PHC2: variants seen among roughly 807,000 people sequenced by gnomAD.
The protein encoded by PHC2 is polyhomeotic-like protein 2.
In PHC2, 29 loss-of-function variants were observed where a neutral mutation model predicts 87.4. The ratio of observed to expected loss-of-function variants is 0.33; its 90% confidence interval spans 0.25 to 0.45. The LOEUF is 0.45. Among genes scored for constraint, PHC2 ranks in the 20% least tolerant of loss-of-function variants. The pLI, the probability that PHC2 is intolerant of heterozygous loss-of-function variation, is 1.00. For synonymous variants in PHC2, 438 were observed against 461.7 expected (o/e 0.95, Z 0.66); for missense variants, 857 against 1,136.7 (o/e 0.75, Z 3.54).
chr1:33,370,979 G>A, intron 4 of PHC2, 38 bp downstream of exon 4: 1 of 1,562,948 alleles, frequency 6.4e-7, no homozygotes, highest in Non-Finnish European at 8.8e-7. Context: ...TTGGTCCTGG[G>A]GCTGTGGACT....
Position 33,349,100 on chromosome 1 carries a change from GA to G in PHC2, c.1558+5300del. The G allele has an allele frequency of 7.1e-6, 7 of 985,402 alleles. No individual in the cohort carries two copies. Among genetic ancestry groups the G allele is most frequent in the Non-Finnish European group, 8.4e-6 (7 of 829,882 alleles). The allele number at this position is 985,402 out of a possible 1,614,324, so 61.0% of individuals were successfully genotyped here. A position where few individuals can be genotyped will look rare whatever the true frequency, so the allele number is the denominator to read the frequency against. ...AGAAAACGCTCTTCTAAAAATGGAA[GA>G]AAAGACACAGAACAGCTTGTCCCTT... On this transcript the variant is annotated intron_variant, in intron 9 of 14. Coordinates refer to ENST00000683057, the MANE Select transcript of PHC2 (RefSeq NM_001385109.1). The surrounding 1 kb of genome is among the most constrained non-coding windows in gnomAD (Gnocchi z 4.2).
intron 1 of PHC2, among the ~76,000 whole-genome samples, chr1:33,384,444 A>C (rs1304404983): frequency 1.3e-5 from 2 of 152,230 alleles, no homozygotes; most frequent in African/African-American, 4.8e-5. Flanking sequence ...AGAGTTACCA[A>C]ACATAGTTTC....
At chr1:33,325,795 C>G (rs1186738123) in intron 14 of PHC2, 3 of 433,902 alleles carry the variant, frequency 6.9e-6, no homozygotes, top group African/African-American at 6.1e-5. Flanking sequence ...ATTCTGGTAC[C>G]TGGAAAAGGA....
chr1:33,411,049 T>C (rs1649962828), intron 1 of PHC2, among the ~76,000 whole-genome samples: 1 of 152,174 alleles, frequency 6.6e-6, no homozygotes, highest in Admixed American at 6.5e-5. Context: ...AATTTCTAAA[T>C]ATGGAATGAA....
At chr1:33,416,626 A>G (rs1570514727) in intron 1 of PHC2, among the ~76,000 whole-genome samples, 1 of 151,274 alleles carries the variant, frequency 6.6e-6, no homozygotes, top group African/African-American at 2.4e-5. Context: ...ATTTCTTCTC[A>G]TAAACTATGC....
chr1:33,414,737 C>T (rs1366086760), intron 1 of PHC2, among the ~76,000 whole-genome samples: 1 of 152,162 alleles, frequency 6.6e-6, no homozygotes, highest in Admixed American at 6.5e-5. Context: ...TCTCCTAAAT[C>T]CTGTTTTTAA....
At position 33,331,643 on chromosome 1, in the gene PHC2, G is replaced by C; in HGVS notation, c.1892-181C>G. On this transcript the variant is annotated intron_variant, in intron 11 of 14. Coordinates refer to ENST00000683057, the MANE Select transcript of PHC2 (RefSeq NM_001385109.1). This position sits in a 1 kb window ranked among gnomAD's most constrained non-coding sequence, Gnocchi z 5.2. ...TTCTCACCCCTGGAATGCACTCAAG[G>C]GTGTCTGGGGATGCCCCTTGTAGAC... The C allele has an allele frequency of 1.9e-6, 1 of 513,968 alleles. No individual in the cohort carries two copies. Among genetic ancestry groups the C allele is most frequent in the Non-Finnish European group, 3.5e-6 (1 of 289,606 alleles). The allele number at this position is 513,968 out of a possible 1,614,324, so 31.8% of individuals were successfully genotyped here. A position where few individuals can be genotyped will look rare whatever the true frequency, so the allele number is the denominator to read the frequency against.
At chr1:33,337,504 C>T (rs923386727) in intron 9 of PHC2, among the ~76,000 whole-genome samples, 1 of 152,168 alleles carries the variant, frequency 6.6e-6, no homozygotes, top group Admixed American at 6.5e-5. Flanking sequence ...ATCATTGAGT[C>T]AACTGCGGGC....
intron 2 of PHC2, 63 bp downstream of exon 2, chr1:33,375,303 C>CT: frequency 2.2e-6 from 3 of 1,350,434 alleles, no homozygotes; most frequent in Non-Finnish European, 2.0e-6. Context: ...ATGCCAACAC[C>CT]TCCTCCTTGC....
chr1:33,388,463 A>G (rs1486090677), intron 1 of PHC2, among the ~76,000 whole-genome samples: 1 of 151,980 alleles, frequency 6.6e-6, no homozygotes, highest in African/African-American at 2.4e-5. Context: ...AGCTGGGATT[A>G]CAGGCATGCG....
At chr1:33,405,073 A>G (rs1332726405) in intron 1 of PHC2, among the ~76,000 whole-genome samples, 1 of 152,076 alleles carries the variant, frequency 6.6e-6, no homozygotes, top group African/African-American at 2.4e-5. Context: ...TTAAAAAAGT[A>G]TTCTTTATAA....
intron 1 of PHC2, among the ~76,000 whole-genome samples, chr1:33,410,550 C>T (rs12141786): frequency 0.21 from 31,931 of 152,106 alleles, 5,683 homozygotes; most frequent in African/African-American, 0.49. Flanking sequence ...AGAAGGGTAG[C>T]GATATTCCAG....
intron 1 of PHC2, among the ~76,000 whole-genome samples, chr1:33,388,564 A>G (rs1318662755): frequency 3.9e-5 from 6 of 151,968 alleles, no homozygotes; most frequent in African/African-American, 1.4e-4. Flanking sequence ...ACCTCAGGTG[A>G]TCTGCCCACC....
intron 1 of PHC2, among the ~76,000 whole-genome samples, chr1:33,419,193 T>C (rs1570515669): frequency 6.6e-6 from 1 of 152,374 alleles, no homozygotes; most frequent in East Asian, 1.9e-4. Flanking sequence ...ATTATTATTA[T>C]ACATGTTATA....
chr1:33,335,633 G>A (rs1450376601), intron 9 of PHC2, among the ~76,000 whole-genome samples: 1 of 152,188 alleles, frequency 6.6e-6, no homozygotes, highest in African/African-American at 2.4e-5. Flanking sequence ...CAGGCATGGC[G>A]GCTCACACCT....
intron 1 of PHC2, among the ~76,000 whole-genome samples, chr1:33,427,490 C>A (rs1367725660): frequency 1.3e-5 from 2 of 152,126 alleles, no homozygotes; most frequent in African/African-American, 4.8e-5. Context: ...GCCAAACATA[C>A]AAAAGGTGAT....
At chr1:33,406,028 TCTTA>T (rs145720062) in intron 1 of PHC2, among the ~76,000 whole-genome samples, 2,709 of 152,332 alleles carry the variant, frequency 0.018, 71 homozygotes, top group African/African-American at 0.061. Flanking sequence ...GTTATTCAAA[TCTTA>T]CATATTCTTA....
chr1:33,416,561 G>A (rs1410504952), intron 1 of PHC2, among the ~76,000 whole-genome samples: 1 of 129,922 alleles, frequency 7.7e-6, no homozygotes, highest in East Asian at 2.6e-4. Flanking sequence ...GGGCAACAGA[G>A]TGAGATTCTG....
intron 1 of PHC2, among the ~76,000 whole-genome samples, chr1:33,389,193 G>A (rs531860442): frequency 1.3e-5 from 2 of 152,192 alleles, no homozygotes; most frequent in South Asian, 4.2e-4. Context: ...TGGGGGGTGC[G>A]AAAGAGACGA....
Sources: gnomAD v4.1 joint callset for allele counts (sites outside exome capture counted in the v4.1 genomes callset) on GRCh38, gnomAD v4.1.1 for gene constraint, Gnocchi (gnomAD v3.1) non-coding constraint, MANE v1.5 for transcripts, NCBI Gene and HGNC (gene_info 2026-07-23, HGNC 2026-07-21) for gene names.